CSMD1: variants seen among roughly 807,000 people sequenced by gnomAD.
CSMD1 encodes CUB and Sushi multiple domains 1, also known as CUB and sushi domain-containing protein 1.
CSMD1 carries 213 observed loss-of-function variants against 417.5 expected under a neutral mutation model. The observed-to-expected ratio is 0.51, with a 90% CI of 0.46 to 0.57. CSMD1 has a LOEUF of 0.57. Ranked by LOEUF, CSMD1 falls within the 20% of genes least tolerant of loss-of-function variation. CSMD1 has a pLI of 0.00. For synonymous variants in CSMD1, 2,862 were observed against 1,736.8 expected, an observed-to-expected ratio of 1.65 and a Z score of -16.11; for missense variants, 6,923 against 4,529.7, an observed-to-expected ratio of 1.53 and a Z score of -15.17.
chr8:4,362,842 A>C (rs1584958396), intron 3 of CSMD1, among the ~76,000 whole-genome samples: 1 of 152,218 alleles, frequency 6.6e-6, no homozygotes, highest in African/African-American at 2.4e-5. Flanking sequence ...GTTGTTCCCC[A>C]TTGGTTATCA....
intron 17 of CSMD1, among the ~76,000 whole-genome samples, chr8:3,392,291 T>C (rs1811398476): frequency 6.6e-6 from 1 of 152,038 alleles, no homozygotes. Context: ...GATGACATTT[T>C]CACTTGAAAA....
At chr8:4,478,287 A>C (rs2130107252) in intron 2 of CSMD1, among the ~76,000 whole-genome samples, 1 of 152,332 alleles carries the variant, frequency 6.6e-6, no homozygotes, top group African/African-American at 2.4e-5. Flanking sequence ...GAAAATAGTA[A>C]AAAGCAACTC....
intron 5 of CSMD1, among the ~76,000 whole-genome samples, chr8:3,972,167 G>T (rs1289575729): frequency 6.6e-6 from 1 of 151,984 alleles, no homozygotes; most frequent in Admixed American, 6.6e-5. Flanking sequence ...CCTGTGCCTG[G>T]CCCTTCTAAG....
At chr8:3,115,866 G>C (rs1183967095) in intron 42 of CSMD1, among the ~76,000 whole-genome samples, 1 of 152,130 alleles carries the variant, frequency 6.6e-6, no homozygotes, top group African/African-American at 2.4e-5. Context: ...TTTTTCTGAA[G>C]TTCTTTTCAA....
intron 3 of CSMD1, among the ~76,000 whole-genome samples, chr8:4,307,065 C>A (rs1180537163): frequency 6.6e-6 from 1 of 152,082 alleles, no homozygotes; most frequent in Non-Finnish European, 1.5e-5. Context: ...CTCATCACAA[C>A]CCTGCTCCCA....
intron 2 of CSMD1, among the ~76,000 whole-genome samples, chr8:4,592,119 G>C (rs908940372): frequency 6.6e-6 from 1 of 151,974 alleles, no homozygotes; most frequent in Non-Finnish European, 1.5e-5. Context: ...GGCTTTGCTG[G>C]CATAACGGAT....
chr8:4,571,877 A>G (rs2130658587), intron 2 of CSMD1, among the ~76,000 whole-genome samples: 1 of 152,284 alleles, frequency 6.6e-6, no homozygotes, highest in Middle Eastern at 3.4e-3. Context: ...ACCATTATGT[A>G]ATGCCCTTGT....
intron 3 of CSMD1, among the ~76,000 whole-genome samples, chr8:4,063,429 A>C (rs1452149106): frequency 2.0e-5 from 3 of 152,236 alleles, no homozygotes; most frequent in Admixed American, 6.5e-5. Context: ...TGATTATTAA[A>C]TGAATACAAT....
Position 4,213,291 on chromosome 8 carries a change from G to A in CSMD1, c.416-181192C>T, listed in dbSNP as rs188717032. Among the ~76,000 whole-genome samples the A allele has an allele frequency of 5.3e-5, 8 of 152,246 alleles. No homozygotes were observed. The East Asian group carries it at 9.7e-4, about 18-fold the overall frequency. On this transcript the variant is annotated intron_variant, in intron 3 of 69. Coordinates refer to ENST00000635120, the MANE Select transcript of CSMD1 (RefSeq NM_033225.6). Reference sequence around the variant, plus strand: ...GGGGTCCTGTCAGGTCTAATGAGCAGCTCTGCTCACACCACACCTCTCTGC... The same window carrying A: ...GGGGTCCTGTCAGGTCTAATGAGCAACTCTGCTCACACCACACCTCTCTGC...
intron 3 of CSMD1, among the ~76,000 whole-genome samples, chr8:4,051,480 C>A (rs1344816198): frequency 6.6e-6 from 1 of 152,176 alleles, no homozygotes. Flanking sequence ...AAATTGAATG[C>A]ACCATTGTTG....
At chr8:3,267,753 C>T (rs961320329) in intron 26 of CSMD1, among the ~76,000 whole-genome samples, 1 of 152,298 alleles carries the variant, frequency 6.6e-6, no homozygotes, top group South Asian at 2.1e-4. Flanking sequence ...CACTACATGC[C>T]TCCCACAGCA....
At chr8:4,900,116 C>T (rs939018265) in intron 1 of CSMD1, among the ~76,000 whole-genome samples, 1 of 152,142 alleles carries the variant, frequency 6.6e-6, no homozygotes. Flanking sequence ...CCTTCCCATG[C>T]CTGGCTTTTG....
chr8:4,341,841 G>T (rs1033409076), intron 3 of CSMD1, among the ~76,000 whole-genome samples: 1 of 151,994 alleles, frequency 6.6e-6, no homozygotes, highest in Admixed American at 6.6e-5. Context: ...AATAACAGAA[G>T]GATGCTTCAC....
At chr8:3,252,415 C>G (rs1205164288) in intron 26 of CSMD1, among the ~76,000 whole-genome samples, 1 of 152,208 alleles carries the variant, frequency 6.6e-6, no homozygotes, top group African/African-American at 2.4e-5. Context: ...ATGAAGCTCA[C>G]TTGATCATGG....
At chr8:4,381,852 C>T (rs576600752) in intron 3 of CSMD1, among the ~76,000 whole-genome samples, 3 of 152,284 alleles carry the variant, frequency 2.0e-5, no homozygotes, top group Admixed American at 6.5e-5. Context: ...AGCTCAGCAT[C>T]ACCTAGGCTC....
intron 5 of CSMD1, among the ~76,000 whole-genome samples, chr8:3,966,555 T>A (rs78557706): frequency 0.021 from 3,271 of 152,318 alleles, 44 homozygotes; most frequent in Middle Eastern, 0.031. Flanking sequence ...TTTATTTTCT[T>A]GCCAATTTCT....
chr8:3,708,814 T>A (rs1252329771), intron 6 of CSMD1, among the ~76,000 whole-genome samples: 5 of 152,240 alleles, frequency 3.3e-5, no homozygotes, highest in African/African-American at 1.2e-4. Context: ...CCCCAAATTG[T>A]TCAGGCAGAT....
intron 12 of CSMD1, among the ~76,000 whole-genome samples, chr8:3,462,685 G>A (rs986341766): frequency 3.3e-5 from 5 of 152,104 alleles, no homozygotes; most frequent in Non-Finnish European, 7.4e-5. Flanking sequence ...TAGAAATAAA[G>A]TGCACAGTAA....
intron 2 of CSMD1, among the ~76,000 whole-genome samples, chr8:4,441,999 G>A (rs1329290064): frequency 2.6e-5 from 4 of 152,120 alleles, no homozygotes; most frequent in African/African-American, 9.7e-5. Flanking sequence ...AGGTAGACTT[G>A]CCCTGAGTCA....
Sources: gnomAD v4.1 joint callset for allele counts (sites outside exome capture counted in the v4.1 genomes callset) on GRCh38, gnomAD v4.1.1 for gene constraint, MANE v1.5 for transcripts, NCBI Gene and HGNC (gene_info 2026-07-23, HGNC 2026-07-21) for gene names.